STRIP2: variants seen among roughly 807,000 people sequenced by gnomAD.
STRIP2 encodes the protein striatin-interacting protein 2.
STRIP2 carries 84 observed loss-of-function variants against 107.1 expected under a neutral mutation model. That is an observed-to-expected ratio of 0.78 (90% CI 0.66 to 0.94). The LOEUF (loss-of-function observed/expected upper bound fraction) is 0.94. Among genes scored for constraint, STRIP2 ranks in the 40% least tolerant of loss-of-function variants. The pLI is 0.00. For synonymous variants in STRIP2, 394 were observed against 400.4 expected, an observed-to-expected ratio of 0.98 and a Z score of 0.19; for missense variants, 888 against 1,034.2, an observed-to-expected ratio of 0.86 and a Z score of 1.94.
At chr7:129,449,446 C>T (rs1398758611) in intron 3 of STRIP2, among the ~76,000 whole-genome samples, 4 of 152,162 alleles carry the variant, frequency 2.6e-5, no homozygotes, top group Non-Finnish European at 5.9e-5. Context: ...GCAACTGTTT[C>T]AGGGCAACTG....
chr7:129,435,405 A>G (rs1182799990), intron 1 of STRIP2, among the ~76,000 whole-genome samples: 1 of 152,198 alleles, frequency 6.6e-6, no homozygotes, highest in East Asian at 1.9e-4. Context: ...AGACGACAAA[A>G]TATCAGATGT....
At chr7:129,453,496 T>C (rs1584945832) in intron 5 of STRIP2, 149 bp downstream of exon 5, 1 of 995,070 alleles carries the variant, frequency 1.0e-6, no homozygotes, top group East Asian at 2.7e-5. Flanking sequence ...ACAGTTCCCC[T>C]CCATCCAGCC....
intron 14 of STRIP2, among the ~76,000 whole-genome samples, chr7:129,463,295 C>T (rs1173085934): frequency 1.3e-5 from 2 of 152,146 alleles, no homozygotes; most frequent in South Asian, 2.1e-4. Context: ...GACCCTCCTC[C>T]GAGATAAGTA....
chr7:129,467,678 C>G (rs1584959439), intron 17 of STRIP2, among the ~76,000 whole-genome samples: 1 of 152,086 alleles, frequency 6.6e-6, no homozygotes, highest in South Asian at 2.1e-4. Flanking sequence ...AATGTCATGA[C>G]TTAAAGAAAT....
rs896014787 is a variant in STRIP2, at chr7:129,461,771, G to A, written c.1477-1195G>A. ...GAGGTAGATGATATAAAAGTTTTGT[G>A]AAGAGGAGAGAAAGTGGATGGTAGC... On this transcript the variant is annotated intron_variant, in intron 13 of 20. Transcript: ENST00000249344. This position sits in a 1 kb window ranked among gnomAD's most constrained non-coding sequence, Gnocchi z 4.0. 2.0e-5 allele frequency among the ~76,000 whole-genome samples: 3 copies of A among 152,204 alleles called. No individual in the cohort carries two copies. The highest frequency in any genetic ancestry group is 4.8e-5 in the African/African-American group (2 of 41,444).
At chr7:129,471,162 C>A (rs1798780413) in intron 18 of STRIP2, among the ~76,000 whole-genome samples, 1 of 152,022 alleles carries the variant, frequency 6.6e-6, no homozygotes, top group African/African-American at 2.4e-5. Flanking sequence ...CTAAGTCTCT[C>A]GGAGGCAAAA....
intron 4 of STRIP2, 26 bp from the exon 5 acceptor site, chr7:129,453,201 C>T (rs1195830918): frequency 6.2e-7 from 1 of 1,613,622 alleles, no homozygotes; most frequent in Non-Finnish European, 8.5e-7. Flanking sequence ...CCCCTCAACC[C>T]CTGTAACAAC....
chr7:129,451,864 G>A, intron 4 of STRIP2, 117 bp downstream of exon 4: 1 of 1,254,046 alleles, frequency 8.0e-7, no homozygotes, highest in Non-Finnish European at 1.1e-6. Flanking sequence ...GCCTCTCAAG[G>A]ACAGATCTTG....
chr7:129,439,659 G>A (rs924193270), intron 1 of STRIP2, among the ~76,000 whole-genome samples: 2 of 152,120 alleles, frequency 1.3e-5, no homozygotes, highest in African/African-American at 4.8e-5. Flanking sequence ...CTAGAATCCA[G>A]TTCTCTTTGT....
chr7:129,440,761 C>G (rs1371453502), intron 2 of STRIP2, among the ~76,000 whole-genome samples: 1 of 152,054 alleles, frequency 6.6e-6, no homozygotes, highest in Non-Finnish European at 1.5e-5. Flanking sequence ...CATTAAGGGC[C>G]TCCATGTTAC....
chr7:129,458,280 G>A lies in STRIP2; in HGVS notation c.1104G>A (p.Glu368=), dbSNP rs371338199. ...AAAGGGATCTCTTCAAGACTGAGGA[G>A]CCCGCCACAGAGGAGGAAGAGGAGT... ...YNERDLFKTE[E]PATEEEEESA... Residue 368 remains glutamate, a synonymous_variant, in exon 10 of 21, where the codon GAG becomes GAA. Transcript: ENST00000249344. The surrounding 1 kb of genome is among the most constrained non-coding windows in gnomAD (Gnocchi z 4.6). The A allele has an allele frequency of 4.1e-5, 66 of 1,614,078 alleles. No homozygotes were observed. The highest frequency in any genetic ancestry group is 5.4e-5 in the Non-Finnish European group (64 of 1,180,038).
In STRIP2 at chr7:129,458,616, C is replaced by T. The variant is rs527966601; in HGVS notation, c.1275-96C>T. The T allele has an allele frequency of 1.1e-5, 15 of 1,417,686 alleles. No homozygotes were observed. The East Asian group carries it at 1.8e-4, about 17-fold the overall frequency. The allele number at this position is 1,417,686 out of a possible 1,614,324, so 87.8% of individuals were successfully genotyped here. On this transcript the variant is annotated intron_variant, in intron 10 of 20. Coordinates refer to ENST00000249344, the MANE Select transcript of STRIP2 (RefSeq NM_020704.3). This position sits in a 1 kb window ranked among gnomAD's most constrained non-coding sequence, Gnocchi z 4.6. Reference sequence around the variant, plus strand: ...TGCTGCCTTTTTCCACTGCTCCAGTCCTCTGATTGGAGGGATAGGAGCCCG... The same window carrying T: ...TGCTGCCTTTTTCCACTGCTCCAGTTCTCTGATTGGAGGGATAGGAGCCCG...
At chr7:129,482,355 C>A (rs613129) in intron 19 of STRIP2, among the ~76,000 whole-genome samples, 3,180 of 108,932 alleles carry the variant, frequency 0.029, 66 homozygotes, top group African/African-American at 0.057. Flanking sequence ...CTCTCTCTCT[C>A]TATATATATA....
Position 129,434,459 on chromosome 7 carries a change from C to T in STRIP2, c.-14C>T, listed in dbSNP as rs986923047. ...AAGCGAGCTGAACCCTGAGGGGAGC[C>T]GCTGACCAGCAGCATGGAGGACCCC... On this transcript the variant is annotated 5_prime_UTR_variant, in exon 1 of 21. Coordinates refer to ENST00000249344, the MANE Select transcript of STRIP2 (RefSeq NM_020704.3). 1.7e-5 allele frequency: 25 copies of T among 1,502,534 alleles called. No homozygotes were observed. Among genetic ancestry groups the T allele is most frequent in the African/African-American group, 2.9e-5 (2 of 69,304 alleles). The allele number at this position is 1,502,534 out of a possible 1,614,324, so 93.1% of individuals were successfully genotyped here.
chr7:129,445,255 C>CT, intron 3 of STRIP2, among the ~76,000 whole-genome samples: 1 of 152,270 alleles, frequency 6.6e-6, no homozygotes, highest in South Asian at 2.1e-4. Flanking sequence ...GAGTAGTAGA[C>CT]TGATTTCATC....
In STRIP2 at chr7:129,449,121, C is replaced by T. The variant is rs187413584; in HGVS notation, c.275-2492C>T. Among the ~76,000 whole-genome samples, 50 of 152,298 alleles carry T rather than the reference C, an allele frequency of 3.3e-4. 1 individual carries two copies. Among genetic ancestry groups the T allele is most frequent in the Non-Finnish European group, 4.4e-5 (3 of 68,028 alleles). On this transcript the variant is annotated intron_variant, in intron 3 of 20. Transcript: ENST00000249344. ...TAAACTATTAGAACCTTTTTTAACT[C>T]CCCAAGCTGCAACATTGAACGCAGA...
chr7:129,477,069 G>T (rs1312500855), intron 18 of STRIP2, among the ~76,000 whole-genome samples: 1 of 151,474 alleles, frequency 6.6e-6, no homozygotes, highest in Non-Finnish European at 1.5e-5. Flanking sequence ...CAGGCACTCG[G>T]CAGGCTGAGG....
Position 129,453,312 on chromosome 7 carries a change from C to T in STRIP2, c.495C>T (p.Phe165=). The change falls in exon 5 of 21, where the codon TTC becomes TTT. Residue 165 remains phenylalanine (F), a synonymous_variant. Coordinates refer to ENST00000249344, the MANE Select transcript of STRIP2 (RefSeq NM_020704.3). The stretch of plus-strand genomic sequence containing the variant: ...TCCTGCTGTATCAGATGGGGACCTT[C>T]TCCACCTTCCTGGAGCTACTCCACA... The part of the protein sequence containing the change: ...NCFLLYQMGT[F]STFLELLHME... 2 of 1,614,126 alleles carry T rather than the reference C, an allele frequency of 1.2e-6. No homozygotes were observed. The highest frequency in any genetic ancestry group is 2.2e-5 in the East Asian group (1 of 44,876).
chr7:129,447,013 T>G (rs1409050831), intron 3 of STRIP2, among the ~76,000 whole-genome samples: 1 of 152,192 alleles, frequency 6.6e-6, no homozygotes, highest in Non-Finnish European at 1.5e-5. Flanking sequence ...TGGCAGGGCC[T>G]TGCTCCAAAA....
Sources: gnomAD v4.1 joint callset for allele counts (sites outside exome capture counted in the v4.1 genomes callset) on GRCh38, gnomAD v4.1.1 for gene constraint, Gnocchi (gnomAD v3.1) non-coding constraint, MANE v1.5 for transcripts, NCBI Gene and HGNC (gene_info 2026-07-23, HGNC 2026-07-21) for gene names.